The following NSUN3 variants were observed in gnomAD, a reference collection of about 807,000 sequenced individuals.
NSUN3 encodes the protein tRNA (cytosine(34)-C(5))-methyltransferase, mitochondrial.
NSUN3 carries 24 observed loss-of-function variants against 36.8 expected under a neutral mutation model. The ratio of observed to expected loss-of-function variants is 0.65; its 90% CI spans 0.47 to 0.92. The LOEUF is 0.92. Ranked by LOEUF, NSUN3 falls within the 40% of genes least tolerant of loss-of-function variation. The pLI, the probability that NSUN3 is intolerant of heterozygous loss-of-function variation, is 0.00. For missense variants in NSUN3, 381 were observed against 392.8 expected (o/e 0.97, Z 0.25); for synonymous variants, 146 against 145.2 (o/e 1.01, Z -0.04).
chr3:94,096,195 T>C (rs370334524), intron 5 of NSUN3, among the ~76,000 whole-genome samples: 1 of 152,308 alleles, frequency 6.6e-6, no homozygotes, highest in Non-Finnish European at 1.5e-5. Flanking sequence ...AATAAACATA[T>C]ACCATTACCT....
Position 94,085,965 on chromosome 3 carries a change from A to T in NSUN3, c.466+1515A>T, listed in dbSNP as rs182327745. Among the ~76,000 whole-genome samples, 79 of 147,188 alleles carry T rather than the reference A, an allele frequency of 5.4e-4. No homozygotes were observed. The East Asian group carries it at 0.015, about 28-fold the overall frequency. On this transcript the variant is annotated intron_variant, in intron 3 of 5. Coordinates refer to ENST00000314622, the MANE Select transcript of NSUN3 (RefSeq NM_022072.5). Reference sequence around the variant, plus strand: ...TGTTGCCTTTTTTTTTTTTTTTGAGATGGAGTCTCGCTGTGTCTCCCAGGC... The same window carrying T: ...TGTTGCCTTTTTTTTTTTTTTTGAGTTGGAGTCTCGCTGTGTCTCCCAGGC...
chr3:94,082,252 A>G (rs2077272503), intron 2 of NSUN3: 1 of 152,152 alleles, frequency 6.6e-6, no homozygotes, highest in Non-Finnish European at 1.5e-5. Flanking sequence ...GTCTCCCCCA[A>G]AGTGTGGTCC....
intron 5 of NSUN3, among the ~76,000 whole-genome samples, chr3:94,121,973 C>T (rs1456150845): frequency 6.6e-5 from 10 of 151,252 alleles, no homozygotes; most frequent in African/African-American, 2.2e-4. Context: ...GGTGAAACCC[C>T]GTCTCTACTA....
intron 2 of NSUN3, among the ~76,000 whole-genome samples, chr3:94,083,207 A>G (rs1010468130): frequency 3.3e-5 from 5 of 151,870 alleles, no homozygotes; most frequent in African/African-American, 1.2e-4. Context: ...CAAAAACCTC[A>G]GTAATCATAA....
intron 5 of NSUN3, among the ~76,000 whole-genome samples, chr3:94,114,390 T>TAGG (rs1472959056): frequency 6.6e-6 from 1 of 152,180 alleles, no homozygotes; most frequent in East Asian, 1.9e-4. Context: ...TCAGACTATT[T>TAGG]ACCTTGTACA....
At position 94,064,336 on chromosome 3, in the gene NSUN3, C is replaced by CA. The variant is rs201453365; in HGVS notation, c.13-94dup. ...TCCATTTCAAGAACTAGTAATTATC[C>CA]AAAAAAAGTGTTCTTGTCTTAAAAA... is the stretch of plus-strand genomic sequence containing the variant. On this transcript the variant is annotated intron_variant, in intron 1 of 5. Coordinates refer to ENST00000314622, the MANE Select transcript of NSUN3 (RefSeq NM_022072.5). The CA allele has an allele frequency of 1.9e-3, 1,300 of 698,920 alleles. 13 individuals carry two copies. The African/African-American group carries it at 0.021, about 11-fold the overall frequency. 43.3% of individuals were successfully genotyped at this position (698,920 alleles called of 1,614,324 possible).
At chr3:94,122,933 C>A (rs2077470222) in intron 5 of NSUN3, among the ~76,000 whole-genome samples, 1 of 152,096 alleles carries the variant, frequency 6.6e-6, no homozygotes, top group Non-Finnish European at 1.5e-5. Flanking sequence ...TTGTTTAATT[C>A]TATAAATATT....
intron 5 of NSUN3, among the ~76,000 whole-genome samples, chr3:94,104,015 G>C (rs1175832129): frequency 6.6e-6 from 1 of 152,202 alleles, no homozygotes; most frequent in Non-Finnish European, 1.5e-5. Flanking sequence ...TTGCTAAGAG[G>C]ATAGTTCTTA....
At chr3:94,094,396 T>G in intron 4 of NSUN3, 102 bp downstream of exon 4, 1 of 1,208,942 alleles carries the variant, frequency 8.3e-7, no homozygotes, top group Non-Finnish European at 1.1e-6. Flanking sequence ...CATAGCCTGA[T>G]ACAGTTTCTC....
In NSUN3 at chr3:94,128,272, A is replaced by C. The variant is rs899882118; in HGVS notation, c.*1782A>C. On this transcript the variant is annotated 3_prime_UTR_variant, in exon 6 of 6. Coordinates refer to ENST00000314622, the MANE Select transcript of NSUN3 (RefSeq NM_022072.5). The stretch of plus-strand genomic sequence containing the variant: ...TTAAATAAAAATAAAGTAACGCTAG[A>C]ACTGTTGGACCAAATCAAGTATATG... 1.3e-5 allele frequency: 2 copies of C among 152,120 alleles called. No individual in the cohort carries two copies. The highest frequency in any genetic ancestry group is 4.8e-5 in the African/African-American group (2 of 41,418). 9.4% of individuals were successfully genotyped at this position (152,120 alleles called of 1,614,324 possible).
chr3:94,121,303 C>T (rs1576103231), intron 5 of NSUN3, among the ~76,000 whole-genome samples: 1 of 152,300 alleles, frequency 6.6e-6, no homozygotes, highest in South Asian at 2.1e-4. Flanking sequence ...GTCAGTTCAA[C>T]CCAGGCTTCC....
At chr3:94,083,887 A>G (rs920149077) in intron 2 of NSUN3, among the ~76,000 whole-genome samples, 1 of 152,158 alleles carries the variant, frequency 6.6e-6, no homozygotes, top group Non-Finnish European at 1.5e-5. Flanking sequence ...TGAACGAAAT[A>G]CCAGTTTTTA....
intron 5 of NSUN3, among the ~76,000 whole-genome samples, chr3:94,112,361 GTTCT>G (rs1259963870): frequency 6.6e-6 from 1 of 152,172 alleles, no homozygotes; most frequent in Non-Finnish European, 1.5e-5. Flanking sequence ...TATTAAGGCA[GTTCT>G]TCACTTAGAT....
Position 94,130,863 on chromosome 3 carries a change from G to A in NSUN3, c.*4373G>A, listed in dbSNP as rs2077506437. ...CCTTTCCTGGTCAGGTGCCAGGCCA[G>A]TCCTGCAAAGCCAGCAAAGTTTCAT... is the stretch of plus-strand genomic sequence containing the variant. On this transcript the variant is annotated 3_prime_UTR_variant, in exon 6 of 6. Coordinates refer to ENST00000314622, the MANE Select transcript of NSUN3 (RefSeq NM_022072.5). Among the ~76,000 whole-genome samples, 1 of 152,090 alleles carries A rather than the reference G, an allele frequency of 6.6e-6. No individual in the cohort carries two copies. Among genetic ancestry groups the A allele is most frequent in the Admixed American group, 6.5e-5 (1 of 15,268 alleles).
chr3:94,119,350 G>A (rs1304369001), intron 5 of NSUN3, among the ~76,000 whole-genome samples: 5 of 152,294 alleles, frequency 3.3e-5, no homozygotes, highest in Admixed American at 1.3e-4. Flanking sequence ...TAATTATAGA[G>A]ATAGTTTTAT....
At chr3:94,110,131 G>A (rs1194551511) in intron 5 of NSUN3, among the ~76,000 whole-genome samples, 1 of 152,104 alleles carries the variant, frequency 6.6e-6, no homozygotes, top group East Asian at 1.9e-4. Context: ...CCCATTGTCT[G>A]GACAAGAACA....
At chr3:94,075,914 C>A in intron 2 of NSUN3, 1 of 1,409,802 alleles carries the variant, frequency 7.1e-7, no homozygotes, top group Non-Finnish European at 1.0e-6. Context: ...GTATCTAGGA[C>A]CCTTGTCCTT....
chr3:94,071,885 C>T (rs957755743), intron 2 of NSUN3, among the ~76,000 whole-genome samples: 1 of 152,146 alleles, frequency 6.6e-6, no homozygotes, highest in Non-Finnish European at 1.5e-5. Flanking sequence ...GATTCGGAAG[C>T]CACTTTCCCT....
chr3:94,079,144 A>G (rs1013951560), intron 2 of NSUN3, among the ~76,000 whole-genome samples: 1 of 152,142 alleles, frequency 6.6e-6, no homozygotes, highest in African/African-American at 2.4e-5. Context: ...ATCTCTCAGC[A>G]TTTACTTGCC....
Sources: gnomAD v4.1 joint callset for allele counts (sites outside exome capture counted in the v4.1 genomes callset) on GRCh38, gnomAD v4.1.1 for gene constraint, MANE v1.5 for transcripts, NCBI Gene and HGNC (gene_info 2026-07-23, HGNC 2026-07-21) for gene names.